PPP2R2B: variants seen among roughly 807,000 people sequenced by gnomAD.
PPP2R2B encodes protein phosphatase 2 regulatory subunit Bbeta.
Under a neutral mutation model 46.0 loss-of-function variants are expected in PPP2R2B, and 5 were observed. The ratio of observed to expected loss-of-function variants is 0.11; its 90% confidence interval spans 0.06 to 0.23. PPP2R2B has a LOEUF of 0.23. Among genes scored for constraint, PPP2R2B ranks in the 10% least tolerant of loss-of-function variants. The pLI is 1.00. For synonymous variants in PPP2R2B, 215 were observed against 206.7 expected (o/e 1.04, Z -0.34); for missense variants, 367 against 575.0 (o/e 0.64, Z 3.70).
chr5:146,759,550 C>G (rs1231052934), intron 2 of PPP2R2B, among the ~76,000 whole-genome samples: 5 of 152,198 alleles, frequency 3.3e-5, no homozygotes, highest in Non-Finnish European at 7.3e-5. Context: ...GAAACTCTTA[C>G]TTATCCTCCA....
intron 1 of PPP2R2B, among the ~76,000 whole-genome samples, chr5:146,928,042 C>G (rs1479073889): frequency 1.3e-5 from 2 of 152,088 alleles, no homozygotes; most frequent in African/African-American, 4.8e-5. Flanking sequence ...ACCTGACCAC[C>G]TTCAAGTCCC....
Position 146,586,512 on chromosome 5 carries a change from G to A in PPP2R2B, c.*3435C>T, listed in dbSNP as rs193249503. On this transcript the variant is annotated 3_prime_UTR_variant, in exon 10 of 10. Transcript: ENST00000394411. The stretch of plus-strand genomic sequence containing the variant: ...AAGTCCTTAGAAATTGGGCATTTGA[G>A]TGTGTACCTTTTATTATAATGGACC... The A allele has an allele frequency of 3.9e-5, 6 of 152,290 alleles. No homozygotes were observed. Among genetic ancestry groups the A allele is most frequent in the East Asian group, 3.9e-4 (2 of 5,178 alleles). The allele number at this position is 152,290 out of a possible 1,614,324, so 9.4% of individuals were successfully genotyped here. A position where few individuals can be genotyped will look rare whatever the true frequency, so the allele number is the denominator to read the frequency against.
intron 9 of PPP2R2B, among the ~76,000 whole-genome samples, 157 bp from the exon 10 acceptor site, chr5:146,590,383 TTGTTTTTTTTTTG>T (rs1267063305): frequency 2.0e-5 from 3 of 148,826 alleles, no homozygotes; most frequent in Admixed American, 6.6e-5. Flanking sequence ...TATTGGCTTT[TTGTTTTTTTTTTG>T]TGTTTTTTTT....
At chr5:146,927,799 T>C (rs1475366899) in intron 1 of PPP2R2B, among the ~76,000 whole-genome samples, 1 of 151,086 alleles carries the variant, frequency 6.6e-6, no homozygotes, top group Non-Finnish European at 1.5e-5. Flanking sequence ...AGTGGTGTGA[T>C]CTCGGCTGAC....
intron 2 of PPP2R2B, among the ~76,000 whole-genome samples, chr5:146,770,062 C>T (rs577641980): frequency 1.3e-5 from 2 of 152,050 alleles, no homozygotes; most frequent in Non-Finnish European, 2.9e-5. Context: ...GGTGTAGTGG[C>T]TCATGCCTGT....
At chr5:147,035,162 G>T in intron 1 of PPP2R2B, 1 of 454,310 alleles carries the variant, frequency 2.2e-6, no homozygotes, top group South Asian at 1.6e-5. Flanking sequence ...AAGTTTAATT[G>T]ACTCACAGTT....
At chr5:146,928,399 C>G (rs190412230) in intron 1 of PPP2R2B, among the ~76,000 whole-genome samples, 1 of 152,070 alleles carries the variant, frequency 6.6e-6, no homozygotes, top group African/African-American at 2.4e-5. Flanking sequence ...CACCTGGGGC[C>G]TCTTCCACCT....
chr5:147,061,578 G>A (rs1413731172), intron 2 of PPP2R2B, among the ~76,000 whole-genome samples: 1 of 152,200 alleles, frequency 6.6e-6, no homozygotes, highest in East Asian at 1.9e-4. Context: ...AGACCTAGCA[G>A]AGCAGTCAGG....
At chr5:146,960,976 C>T (rs549106667) in intron 1 of PPP2R2B, among the ~76,000 whole-genome samples, 17 of 152,078 alleles carry the variant, frequency 1.1e-4, no homozygotes, top group Non-Finnish European at 2.5e-4. Context: ...TTCATCCCAC[C>T]GGAGTCAACC....
In PPP2R2B at chr5:146,988,414, G is replaced by C. The variant is rs377743960; in HGVS notation, c.79+67251C>G. ...TGTTACAAAATTGAAATCATATCAA[G>C]TATCCTTTCTGATCACAGTGCAATA... On this transcript the variant is annotated intron_variant, in intron 1 of 8. Coordinates refer to the PPP2R2B transcript ENST00000336640. Among the ~76,000 whole-genome samples the C allele has an allele frequency of 4.6e-5, 7 of 151,986 alleles. No individual in the cohort carries two copies. In the South Asian group the frequency reaches 1.5e-3, roughly 32 times the overall value.
At chr5:146,606,436 A>G (rs1390626173) in intron 7 of PPP2R2B, among the ~76,000 whole-genome samples, 1 of 152,220 alleles carries the variant, frequency 6.6e-6, no homozygotes, top group African/African-American at 2.4e-5. Context: ...TTTGCTGCTT[A>G]TAAATGATGG....
At chr5:146,896,868 G>C (rs960346509) in intron 1 of PPP2R2B, among the ~76,000 whole-genome samples, 1 of 152,060 alleles carries the variant, frequency 6.6e-6, no homozygotes, top group Non-Finnish European at 1.5e-5. Flanking sequence ...AAAAAAGATG[G>C]CTTTTGTACT....
chr5:146,663,353 T>C (rs186859519), intron 5 of PPP2R2B, among the ~76,000 whole-genome samples: 7 of 152,312 alleles, frequency 4.6e-5, no homozygotes, highest in African/African-American at 1.7e-4. Flanking sequence ...CATTTACTCA[T>C]GGAAGCATAA....
intron 2 of PPP2R2B, among the ~76,000 whole-genome samples, chr5:146,854,915 T>C (rs1308325251): frequency 6.6e-6 from 1 of 152,174 alleles, no homozygotes; most frequent in Non-Finnish European, 1.5e-5. Context: ...AGTTTTTATG[T>C]TTTTAGAAAT....
chr5:146,927,803 G>A (rs982107297), intron 1 of PPP2R2B, among the ~76,000 whole-genome samples: 3 of 150,242 alleles, frequency 2.0e-5, no homozygotes, highest in African/African-American at 7.4e-5. Flanking sequence ...GTGTGATCTC[G>A]GCTGACTGCA....
intron 2 of PPP2R2B, among the ~76,000 whole-genome samples, chr5:146,859,246 T>C (rs1348147089): frequency 1.3e-5 from 2 of 152,090 alleles, no homozygotes; most frequent in Admixed American, 1.3e-4. Flanking sequence ...TTGAGCAGAG[T>C]AGATAAGAGC....
At chr5:146,647,650 C>T (rs1775677266) in intron 6 of PPP2R2B, among the ~76,000 whole-genome samples, 1 of 152,214 alleles carries the variant, frequency 6.6e-6, no homozygotes, top group South Asian at 2.1e-4. Context: ...CTCCCCAAGG[C>T]ATCTGTCTCC....
intron 1 of PPP2R2B, among the ~76,000 whole-genome samples, chr5:146,961,601 A>T (rs954067203): frequency 2.0e-5 from 3 of 152,104 alleles, no homozygotes; most frequent in Non-Finnish European, 2.9e-5. Flanking sequence ...CTTTTTCATA[A>T]ATTGTACTTT....
chr5:146,770,330 C>CAAAA (rs5871992), intron 2 of PPP2R2B, among the ~76,000 whole-genome samples: 312 of 59,922 alleles, frequency 5.2e-3, no homozygotes, highest in Middle Eastern at 0.03. Flanking sequence ...GATTCCGTCT[C>CAAAA]AAAAAAAAAA....
Sources: allele counts gnomAD v4.1 joint callset (sites outside exome capture counted in the v4.1 genomes callset), GRCh38; gene constraint gnomAD v4.1.1; transcripts MANE v1.5; gene names NCBI Gene and HGNC (gene_info 2026-07-23, HGNC 2026-07-21).